Variants in HSDL1 observed in about 807,000 individuals in gnomAD.
HSDL1 encodes hydroxysteroid dehydrogenase like 1, also known as inactive hydroxysteroid dehydrogenase-like protein 1.
In HSDL1, 29 loss-of-function variants were observed where a neutral mutation model predicts 31.5. That is an observed-to-expected ratio of 0.92 (90% confidence interval 0.69 to 1.26). The LOEUF is 1.26. Ranked by LOEUF, HSDL1 falls within the 50% of genes most tolerant of loss-of-function variation. The probability of loss-of-function intolerance (pLI) is 0.00; values close to 1 mark genes in which losing one functional copy is unlikely to be tolerated. For missense variants in HSDL1, 503 were observed against 416.6 expected (o/e 1.21, Z -1.81); for synonymous variants, 222 against 155.2 (o/e 1.43, Z -3.20).
chr16:84,137,365 C>T (rs958927597), intron 1 of HSDL1, among the ~76,000 whole-genome samples: 4 of 152,222 alleles, frequency 2.6e-5, no homozygotes, highest in African/African-American at 9.6e-5. Context: ...CTGTGTGACG[C>T]CCCATGTGTG....
intron 1 of HSDL1, among the ~76,000 whole-genome samples, chr16:84,136,493 C>G (rs546491314): frequency 3.9e-5 from 6 of 152,272 alleles, no homozygotes; most frequent in Non-Finnish European, 8.8e-5. Flanking sequence ...CACAGGCAGT[C>G]TTCCTGTCCA....
In HSDL1 at chr16:84,145,156, T is replaced by C. The variant is rs1016061840; in HGVS notation, c.-145A>G. 33 of 227,330 alleles carry C rather than the reference T, an allele frequency of 1.5e-4. No homozygotes were observed. Among genetic ancestry groups the C allele is most frequent in the African/African-American group, 6.5e-4 (28 of 43,310 alleles). The allele number at this position is 227,330 out of a possible 1,614,324, so 14.1% of individuals were successfully genotyped here. ...CCGCCCCCGTCTCGGCCGCCGGAGC[T>C]GCTGCCGCGCCGCGCCCTCACGTGA... On this transcript the variant is annotated 5_prime_UTR_variant, in exon 1 of 6. Coordinates refer to ENST00000219439, the MANE Select transcript of HSDL1 (RefSeq NM_031463.5).
At chr16:84,126,992 G>T (rs1254246434) in intron 5 of HSDL1, among the ~76,000 whole-genome samples, 1 of 152,066 alleles carries the variant, frequency 6.6e-6, no homozygotes, top group Non-Finnish European at 1.5e-5. Flanking sequence ...CATTCTCAAG[G>T]AAAGTTTATC....
At chr16:84,129,821 T>C (rs1334005908) in intron 4 of HSDL1, 46 bp from the exon 5 acceptor site, 3 of 1,527,642 alleles carry the variant, frequency 2.0e-6, no homozygotes, top group Non-Finnish European at 1.8e-6. Flanking sequence ...CTGGGTGAAC[T>C]TGAAAATTCA....
rs1318128784 is a variant in HSDL1, at chr16:84,122,345, G to C, written c.*2285C>G. 1 of 151,416 alleles carries C rather than the reference G, an allele frequency of 6.6e-6. No individual in the cohort carries two copies. Among genetic ancestry groups the C allele is most frequent in the African/African-American group, 2.4e-5 (1 of 40,900 alleles). The allele number at this position is 151,416 out of a possible 1,614,324, so 9.4% of individuals were successfully genotyped here. The stretch of plus-strand genomic sequence containing the variant: ...TCAATTCACAGATTAACTTTCAAAG[G>C]TTCATATTTCCCACGTTCTTTTTTT... On this transcript the variant is annotated 3_prime_UTR_variant, in exon 6 of 6. Transcript: ENST00000219439.
Position 84,123,344 on chromosome 16 carries a change from C to T in HSDL1, c.*1286G>A, listed in dbSNP as rs2086573082. 1 of 152,252 alleles carries T rather than the reference C, an allele frequency of 6.6e-6. No homozygotes were observed. Among genetic ancestry groups the T allele is most frequent in the African/African-American group, 2.4e-5 (1 of 41,530 alleles). The allele number at this position is 152,252 out of a possible 1,614,324, so 9.4% of individuals were successfully genotyped here. A position where few individuals can be genotyped will look rare whatever the true frequency, so the allele number is the denominator to read the frequency against. ...AGCTTCTGCATCAGTATCACAATGCCGAGCTCTGAATTTTAAATGTGCACA... is the reference window on the plus strand; with the variant it reads ...AGCTTCTGCATCAGTATCACAATGCTGAGCTCTGAATTTTAAATGTGCACA... On this transcript the variant is annotated 3_prime_UTR_variant, in exon 6 of 6. Coordinates refer to ENST00000219439, the MANE Select transcript of HSDL1 (RefSeq NM_031463.5).
rs1039842412 is a variant in HSDL1, at chr16:84,123,727, G to C, written c.*903C>G. ...AAAACCAGATATAACAAGCTCTAAA[G>C]GGCTAAATTTCAGTTATAAAATGGG... On this transcript the variant is annotated 3_prime_UTR_variant, in exon 6 of 6. Transcript: ENST00000219439. 6.6e-5 allele frequency: 10 copies of C among 152,474 alleles called. No homozygotes were observed. The highest frequency in any genetic ancestry group is 2.4e-4 in the African/African-American group (10 of 41,418). 9.4% of individuals were successfully genotyped at this position (152,474 alleles called of 1,614,324 possible). A position where few individuals can be genotyped will look rare whatever the true frequency, so the allele number is the denominator to read the frequency against.
At chr16:84,139,923 G>C (rs2086749189) in intron 1 of HSDL1, among the ~76,000 whole-genome samples, 1 of 152,152 alleles carries the variant, frequency 6.6e-6, no homozygotes, top group Non-Finnish European at 1.5e-5. Flanking sequence ...AATTTTTTCA[G>C]AGTGTGAATC....
In HSDL1 at chr16:84,129,771, T is replaced by A. The variant is rs1313286925; in HGVS notation, c.671A>T (p.Tyr224Phe). 6 of 1,611,664 alleles carry A rather than the reference T, an allele frequency of 3.7e-6. No homozygotes were observed. Among genetic ancestry groups the A allele is most frequent in the Non-Finnish European group, 5.1e-6 (6 of 1,177,912 alleles). ...CAAGGCTCTGCTGAAGTGGTCTAAA[T>A]AAGCCTGTTGAGACAGAGGGGAGGA... ...QLAAFSASKA[Y>F]LDHFSRALQY... is the part of the protein sequence containing the mutation. Residue 224 changes from tyrosine to phenylalanine, a missense_variant, in exon 5 of 6, where the codon TAT becomes TTT. Coordinates refer to ENST00000219439, the MANE Select transcript of HSDL1 (RefSeq NM_031463.5).
At chr16:84,140,981 C>G (rs2086762646) in intron 1 of HSDL1, among the ~76,000 whole-genome samples, 2 of 151,186 alleles carry the variant, frequency 1.3e-5, no homozygotes, top group Non-Finnish European at 1.5e-5. Flanking sequence ...GTCCCAGCTA[C>G]TCGGGAGGCT....
Position 84,123,606 on chromosome 16 carries a change from C to T in HSDL1, c.*1024G>A, listed in dbSNP as rs1221754108. 3 of 152,566 alleles carry T rather than the reference C, an allele frequency of 2.0e-5. No individual in the cohort carries two copies. Among genetic ancestry groups the T allele is most frequent in the Admixed American group, 6.5e-5 (1 of 15,276 alleles). The allele number at this position is 152,566 out of a possible 1,614,324, so 9.5% of individuals were successfully genotyped here. On this transcript the variant is annotated 3_prime_UTR_variant, in exon 6 of 6. Transcript: ENST00000219439. ...AACTTATATTGACAGATATGTCACA[C>T]ACGTAATTTGTCCATATTTTACTAT...
intron 2 of HSDL1, among the ~76,000 whole-genome samples, chr16:84,133,742 A>G (rs866530254): frequency 2.0e-5 from 3 of 152,154 alleles, no homozygotes; most frequent in Non-Finnish European, 4.4e-5. Flanking sequence ...ACAAACAAAC[A>G]AAAAAGTTTT....
Position 84,122,390 on chromosome 16 carries a change from G to C in HSDL1, c.*2240C>G, listed in dbSNP as rs369362104. 1.3e-5 allele frequency: 2 copies of C among 149,080 alleles called. No individual in the cohort carries two copies. Among genetic ancestry groups the C allele is most frequent in the Non-Finnish European group, 3.0e-5 (2 of 67,652 alleles). 9.2% of individuals were successfully genotyped at this position (149,080 alleles called of 1,614,324 possible). On this transcript the variant is annotated 3_prime_UTR_variant, in exon 6 of 6. Transcript: ENST00000219439. Reference sequence around the variant, plus strand: ...TTTTTTTTTTTTGAGACAGGGTCTCGCTCTGTCTCAAGGCTGGAGTGCAGT... The same window carrying C: ...TTTTTTTTTTTTGAGACAGGGTCTCCCTCTGTCTCAAGGCTGGAGTGCAGT...
At chr16:84,144,462 C>A (rs1010039933) in intron 1 of HSDL1, 2 of 152,440 alleles carry the variant, frequency 1.3e-5, no homozygotes, top group African/African-American at 2.4e-5. Context: ...AGAACGGGGA[C>A]CTGCCTGGTT....
At chr16:84,142,384 ATCC>A (rs1406718533) in intron 1 of HSDL1, among the ~76,000 whole-genome samples, 2 of 150,000 alleles carry the variant, frequency 1.3e-5, no homozygotes, top group Non-Finnish European at 3.0e-5. Context: ...TAAGTCTTTA[ATCC>A]TCCTGGCGTT....
At chr16:84,143,100 A>T (rs2086783697) in intron 1 of HSDL1, among the ~76,000 whole-genome samples, 1 of 152,228 alleles carries the variant, frequency 6.6e-6, no homozygotes, top group Non-Finnish European at 1.5e-5. Context: ...ACTCCTAGGC[A>T]GATACCCAAG....
rs201845155 is a variant in HSDL1, at chr16:84,131,132, T to C, written c.190A>G (p.Lys64Glu). The change falls in exon 3 of 6, where the codon AAG becomes GAG. Residue 64 changes from lysine to glutamate, a missense_variant. Coordinates refer to ENST00000219439, the MANE Select transcript of HSDL1 (RefSeq NM_031463.5). ...PRLGSRADLI[K>E]QYGRWAVVSG... ...ACAACGGCCCATCTTCCATACTGCTTGATCAAGTCTGCTCTGCTCCCCAGG... is the reference window on the plus strand; with the variant it reads ...ACAACGGCCCATCTTCCATACTGCTCGATCAAGTCTGCTCTGCTCCCCAGG... 3 of 1,614,038 alleles carry C rather than the reference T, an allele frequency of 1.9e-6. No homozygotes were observed. The highest frequency in any genetic ancestry group is 2.5e-6 in the Non-Finnish European group (3 of 1,179,888).
In HSDL1 at chr16:84,126,468, C is replaced by T. The variant is rs554743556; in HGVS notation, c.895-1740G>A. On this transcript the variant is annotated intron_variant, in intron 5 of 5. Coordinates refer to ENST00000219439, the MANE Select transcript of HSDL1 (RefSeq NM_031463.5). ...GCCCAGGATGGTGTTCAACATCCTA[C>T]AATACACAGGACGCTCCCCATGTCA... Among the ~76,000 whole-genome samples the T allele has an allele frequency of 1.9e-3, 296 of 152,184 alleles. 1 individual carries two copies. The highest frequency in any genetic ancestry group is 6.6e-3 in the African/African-American group (276 of 41,516).
chr16:84,128,089 G>C (rs1257996429), intron 5 of HSDL1, among the ~76,000 whole-genome samples: 2 of 151,340 alleles, frequency 1.3e-5, no homozygotes, highest in African/African-American at 4.8e-5. Context: ...AGGAGTTCGA[G>C]ACCAGCCTGA....
Sources: allele counts gnomAD v4.1 joint callset (sites outside exome capture counted in the v4.1 genomes callset), GRCh38; gene constraint gnomAD v4.1.1; transcripts MANE v1.5; gene names NCBI Gene and HGNC (gene_info 2026-07-23, HGNC 2026-07-21).